DMD: variants seen among roughly 807,000 people sequenced by gnomAD.
The protein encoded by DMD is dystrophin, also known as mutant dystrophin.
A neutral mutation model predicts 330.1 loss-of-function variants in DMD; 63 were observed. The ratio of observed to expected loss-of-function variants is 0.19; its 90% CI spans 0.16 to 0.24. DMD has a LOEUF of 0.24. Ranked by LOEUF, DMD falls within the 10% of genes least tolerant of loss-of-function variation. DMD has a pLI of 1.00. For missense variants in DMD, 3,344 were observed against 2,684.1 expected (o/e 1.25, Z -5.43); for synonymous variants, 1,223 against 959.8 (o/e 1.27, Z -5.07).
rs753491499 is a variant in DMD at position 32,361,817 on chromosome X, C to A, written c.5325+971G>T. Among the ~76,000 whole-genome samples the A allele has an allele frequency of 2.7e-5, 3 of 111,052 alleles. No individual in the cohort carries two copies. The East Asian group carries it at 8.5e-4, about 31-fold the overall frequency. On this transcript the variant is annotated intron_variant, in intron 37 of 78. Transcript: ENST00000357033. Reference sequence around the variant, plus strand: ...TGCATCATATTTTCTCATAAATACTCCAATGTTTTTTTCATTTCAGATTAT... The same window carrying A: ...TGCATCATATTTTCTCATAAATACTACAATGTTTTTTTCATTTCAGATTAT...
intron 2 of DMD, among the ~76,000 whole-genome samples, chrX:32,903,915 C>G (rs921525289): frequency 2.7e-5 from 3 of 111,574 alleles, no homozygotes; most frequent in Non-Finnish European, 5.6e-5. Flanking sequence ...AAACTCTACT[C>G]CTGCCACTTT....
intron 52 of DMD, among the ~76,000 whole-genome samples, chrX:31,697,964 G>A (rs183431811): frequency 8.9e-6 from 1 of 112,038 alleles, no homozygotes; most frequent in African/African-American, 3.2e-5. Flanking sequence ...GACAACTGCA[G>A]AACCACAGAA....
At chrX:31,845,401 CT>C (rs1414247188) in intron 48 of DMD, among the ~76,000 whole-genome samples, 8 of 104,121 alleles carry the variant, frequency 7.7e-5, no homozygotes, top group African/African-American at 2.8e-4. Context: ...CTCTCTCTCT[CT>C]CTCTCTCTCT....
intron 1 of DMD, among the ~76,000 whole-genome samples, chrX:33,305,525 A>G (rs1457334367): frequency 9.5e-6 from 1 of 105,039 alleles, no homozygotes; most frequent in Non-Finnish European, 2.0e-5. Context: ...TACGTAACTA[A>G]CCTGCACATT....
intron 45 of DMD, among the ~76,000 whole-genome samples, chrX:31,958,119 TTAA>T (rs1484926337): frequency 2.0e-5 from 2 of 100,260 alleles, no homozygotes; most frequent in African/African-American, 7.3e-5. Context: ...TTTTTTTTTT[TTAA>T]AAATGGTACA....
intron 2 of DMD, among the ~76,000 whole-genome samples, chrX:32,904,812 G>T (rs1187336905): frequency 8.9e-6 from 1 of 112,030 alleles, no homozygotes; most frequent in African/African-American, 3.2e-5. Flanking sequence ...CTGACCTCAG[G>T]TAATCCACCT....
intron 48 of DMD, among the ~76,000 whole-genome samples, chrX:31,850,072 T>C (rs753820270): frequency 1.1e-3 from 126 of 110,721 alleles, no homozygotes; most frequent in African/African-American, 4.0e-3. Flanking sequence ...ATAGGCCCCA[T>C]TGTGTGTTGT....
At chrX:32,298,408 C>T (rs1055350481) in intron 42 of DMD, among the ~76,000 whole-genome samples, 3 of 110,241 alleles carry the variant, frequency 2.7e-5, no homozygotes, top group African/African-American at 6.7e-5. Context: ...ATGGAGTTGC[C>T]ATTAACTATA....
In DMD at chrX:31,525,406, A is replaced by G. The variant is rs200588029; in HGVS notation, c.8218-17953T>C. Reference sequence around the variant, plus strand: ...CTGTGCTCCTTTCTTTGCCTAAATGAACTATTTCATTTAGCACAATATTTT... The same window carrying G: ...CTGTGCTCCTTTCTTTGCCTAAATGGACTATTTCATTTAGCACAATATTTT... On this transcript the variant is annotated intron_variant, in intron 55 of 78. Coordinates refer to ENST00000357033, the MANE Select transcript of DMD (RefSeq NM_004006.3). Among the ~76,000 whole-genome samples, 34 of 112,095 alleles carry G rather than the reference A, an allele frequency of 3.0e-4. No individual in the cohort carries two copies. In the East Asian group the frequency reaches 7.8e-3, roughly 26 times the overall value.
At chrX:31,261,982 A>C (rs1330955036) in intron 62 of DMD, among the ~76,000 whole-genome samples, 1 of 112,120 alleles carries the variant, frequency 8.9e-6, no homozygotes, top group Non-Finnish European at 1.9e-5. Context: ...AAAAAAGAGA[A>C]ATCGCTTAAA....
At chrX:31,276,599 GTCCTCAAAGGAATGCATA>G (rs2052142051) in intron 62 of DMD, among the ~76,000 whole-genome samples, 1 of 111,845 alleles carries the variant, frequency 8.9e-6, no homozygotes, top group Admixed American at 9.5e-5. Context: ...CCTTGATATA[GTCCTCAAAGGAATGCATA>G]CATATATTCA....
chrX:32,783,338 T>TAC (rs1359793470), intron 7 of DMD, among the ~76,000 whole-genome samples: 2 of 102,046 alleles, frequency 2.0e-5, no homozygotes, highest in Non-Finnish European at 4.0e-5. Context: ...CACATATATA[T>TAC]ACACATATAT....
At chrX:31,766,446 C>T (rs954129497) in intron 51 of DMD, among the ~76,000 whole-genome samples, 5 of 111,439 alleles carry the variant, frequency 4.5e-5, no homozygotes, top group Non-Finnish European at 7.5e-5. Flanking sequence ...TTAGTAGAGA[C>T]GGGGTTTCTC....
chrX:32,859,898 C>G (rs1335382288), intron 2 of DMD, among the ~76,000 whole-genome samples: 1 of 111,180 alleles, frequency 9.0e-6, no homozygotes, highest in African/African-American at 3.3e-5. Context: ...AACATGAATT[C>G]CTCCTTGGGC....
At chrX:31,714,978 T>C (rs752229220) in intron 52 of DMD, among the ~76,000 whole-genome samples, 2 of 111,164 alleles carry the variant, frequency 1.8e-5, no homozygotes, top group East Asian at 5.7e-4. Context: ...CACATGTTGA[T>C]ATTTATTCTA....
chrX:32,951,956 T>C (rs1490986831), intron 2 of DMD, among the ~76,000 whole-genome samples: 2 of 111,266 alleles, frequency 1.8e-5, no homozygotes, highest in Non-Finnish European at 3.8e-5. Context: ...TAAATATTCA[T>C]GTAGAATAGC....
intron 42 of DMD, 112 bp downstream of exon 42, chrX:32,309,970 G>A: frequency 4.4e-6 from 3 of 681,741 alleles, no homozygotes; most frequent in South Asian, 5.5e-5. Context: ...AGAATTCCAT[G>A]TGAAAGTCAA....
At chrX:31,397,610 T>C (rs1415890602) in intron 60 of DMD, among the ~76,000 whole-genome samples, 2 of 112,540 alleles carry the variant, frequency 1.8e-5, no homozygotes, top group Non-Finnish European at 3.7e-5. Flanking sequence ...CAAATGTAGC[T>C]TAGGCAAAAT....
At chrX:31,863,090 T>C (rs1268435384) in intron 48 of DMD, among the ~76,000 whole-genome samples, 1 of 112,835 alleles carries the variant, frequency 8.9e-6, no homozygotes, top group Non-Finnish European at 1.9e-5. Context: ...ACGCCTGTAA[T>C]CCCAGCACTC....
Sources: gnomAD v4.1 joint callset for allele counts (sites outside exome capture counted in the v4.1 genomes callset) on GRCh38, gnomAD v4.1.1 for gene constraint, MANE v1.5 for transcripts, NCBI Gene and HGNC (gene_info 2026-07-23, HGNC 2026-07-21) for gene names.